Variants in SLC4A10 observed in about 807,000 individuals in gnomAD.
The protein encoded by SLC4A10 is sodium-driven chloride bicarbonate exchanger.
SLC4A10 carries 42 observed loss-of-function variants against 137.7 expected under a neutral mutation model. That is an observed-to-expected ratio of 0.30 (90% CI 0.24 to 0.39). The LOEUF is 0.39. Ranked by LOEUF, SLC4A10 falls within the 10% of genes least tolerant of loss-of-function variation. The pLI is 1.00. For missense variants in SLC4A10, 925 were observed against 1,355.0 expected, an observed-to-expected ratio of 0.68 and a Z score of 4.98; for synonymous variants, 474 against 464.1, an observed-to-expected ratio of 1.02 and a Z score of -0.27.
chr2:161,940,558 C>T (rs924352057), intron 15 of SLC4A10, among the ~76,000 whole-genome samples: 2 of 152,144 alleles, frequency 1.3e-5, no homozygotes, highest in Non-Finnish European at 2.9e-5. Flanking sequence ...TGAAGCCGCG[C>T]GTCAGAGATT....
At chr2:161,784,131 A>G (rs1408942738) in intron 2 of SLC4A10, among the ~76,000 whole-genome samples, 3 of 151,896 alleles carry the variant, frequency 2.0e-5, no homozygotes, top group Non-Finnish European at 2.9e-5. Context: ...AACTCTCTCA[A>G]AAGACTGAGA....
At chr2:161,911,047 A>G (rs1360281725) in intron 15 of SLC4A10, among the ~76,000 whole-genome samples, 1 of 151,934 alleles carries the variant, frequency 6.6e-6, no homozygotes, top group African/African-American at 2.4e-5. Flanking sequence ...TAAAAAATAA[A>G]ATATGTAAAT....
chr2:161,635,722 A>T (rs182591518), intron 1 of SLC4A10, among the ~76,000 whole-genome samples: 75 of 152,198 alleles, frequency 4.9e-4, no homozygotes, highest in African/African-American at 1.6e-3. Context: ...AGTTTGCTAA[A>T]CTTTAATTTT....
At chr2:161,706,008 G>A (rs1054116785) in intron 1 of SLC4A10, among the ~76,000 whole-genome samples, 1 of 151,424 alleles carries the variant, frequency 6.6e-6, no homozygotes, top group African/African-American at 2.4e-5. Context: ...TTAGAGCAAT[G>A]GTTTTCTAAA....
intron 1 of SLC4A10, among the ~76,000 whole-genome samples, chr2:161,728,448 C>T (rs531835146): frequency 6.6e-6 from 1 of 151,544 alleles, no homozygotes; most frequent in African/African-American, 2.4e-5. Flanking sequence ...TGGTGGTGTG[C>T]CCCTGTAGTC....
intron 3 of SLC4A10, among the ~76,000 whole-genome samples, chr2:161,823,474 C>G (rs2057785527): frequency 6.6e-6 from 1 of 152,172 alleles, no homozygotes; most frequent in Non-Finnish European, 1.5e-5. Flanking sequence ...ATGGTTCTCA[C>G]ATATTTTTCA....
chr2:161,664,998 A>G (rs1574209432), intron 1 of SLC4A10, among the ~76,000 whole-genome samples: 2 of 151,840 alleles, frequency 1.3e-5, no homozygotes, highest in Non-Finnish European at 3.0e-5. Flanking sequence ...AAACATATTT[A>G]TAGAAAAATC....
chr2:161,787,073 C>T (rs115796866), intron 2 of SLC4A10, among the ~76,000 whole-genome samples: 303 of 152,014 alleles, frequency 2.0e-3, no homozygotes, highest in Non-Finnish European at 3.6e-3. Flanking sequence ...TTTTTCCCCA[C>T]GTTTACAACA....
At chr2:161,875,410 A>C (rs972120678) in intron 8 of SLC4A10, among the ~76,000 whole-genome samples, 2 of 152,154 alleles carry the variant, frequency 1.3e-5, no homozygotes, top group African/African-American at 4.8e-5. Flanking sequence ...AAGAAAAAAA[A>C]GGTCTTTATT....
chr2:161,919,557 C>T (rs1371042025), intron 15 of SLC4A10, among the ~76,000 whole-genome samples: 1 of 152,172 alleles, frequency 6.6e-6, no homozygotes, highest in African/African-American at 2.4e-5. Context: ...CTGGTCTCTT[C>T]TTAGCTGAGA....
At chr2:161,699,448 A>G (rs1383518201) in intron 1 of SLC4A10, among the ~76,000 whole-genome samples, 1 of 152,228 alleles carries the variant, frequency 6.6e-6, no homozygotes, top group African/African-American at 2.4e-5. Flanking sequence ...ACCCCGGCAT[A>G]GAAAGGTAAT....
chr2:161,637,310 T>G (rs964273804), intron 1 of SLC4A10, among the ~76,000 whole-genome samples: 3 of 151,836 alleles, frequency 2.0e-5, no homozygotes, highest in Non-Finnish European at 2.9e-5. Context: ...GCAATTCTCC[T>G]GCCTCAGCCT....
chr2:161,872,454 G>A (rs1179838007), intron 7 of SLC4A10, 70 bp downstream of exon 7: 5 of 1,193,610 alleles, frequency 4.2e-6, no homozygotes, highest in African/African-American at 3.0e-5. Flanking sequence ...CATTTTAAGA[G>A]GTGTTGACAC....
chr2:161,798,326 T>A (rs891235258), intron 2 of SLC4A10, among the ~76,000 whole-genome samples: 3 of 151,996 alleles, frequency 2.0e-5, no homozygotes, highest in Non-Finnish European at 2.9e-5. Context: ...ATTCATTTCA[T>A]GTAAAAAGCA....
rs567983029 is a variant in SLC4A10 at position 161,771,212 on chromosome 2, G to A, written c.130+158G>A. Among the ~76,000 whole-genome samples the A allele has an allele frequency of 1.1e-4, 17 of 151,974 alleles. No homozygotes were observed. In the East Asian group the frequency reaches 1.7e-3, roughly 16 times the overall value. On this transcript the variant is annotated intron_variant, in intron 2 of 26. Transcript: ENST00000446997. Reference sequence around the variant, plus strand: ...CATCTGATTGTTTTGGTACAGTTTGGAATGTCAATAGGCAGACCTGAAATC... The same window carrying A: ...CATCTGATTGTTTTGGTACAGTTTGAAATGTCAATAGGCAGACCTGAAATC...
intron 1 of SLC4A10, among the ~76,000 whole-genome samples, chr2:161,653,014 T>C (rs943749238): frequency 2.0e-5 from 3 of 152,036 alleles, no homozygotes; most frequent in Non-Finnish European, 4.4e-5. Flanking sequence ...CCCCAATCCC[T>C]CGAGAGGCCT....
At chr2:161,915,191 A>G (rs1157296115) in intron 15 of SLC4A10, among the ~76,000 whole-genome samples, 1 of 152,066 alleles carries the variant, frequency 6.6e-6, no homozygotes, top group Non-Finnish European at 1.5e-5. Flanking sequence ...AGGCAACTTG[A>G]CTTCAGAAGA....
At chr2:161,832,068 C>G (rs2058468804) in intron 3 of SLC4A10, among the ~76,000 whole-genome samples, 1 of 152,146 alleles carries the variant, frequency 6.6e-6, no homozygotes, top group African/African-American at 2.4e-5. Flanking sequence ...AAGATAATGT[C>G]TCCTTATGGG....
chr2:161,800,598 A>G (rs1452631871), intron 2 of SLC4A10, among the ~76,000 whole-genome samples: 1 of 152,066 alleles, frequency 6.6e-6, no homozygotes, highest in East Asian at 1.9e-4. Context: ...TAAGGAATTG[A>G]AAGGCCAGAA....
Sources: gnomAD v4.1 joint callset for allele counts (sites outside exome capture counted in the v4.1 genomes callset) on GRCh38, gnomAD v4.1.1 for gene constraint, MANE v1.5 for transcripts, NCBI Gene and HGNC (gene_info 2026-07-23, HGNC 2026-07-21) for gene names.